The following CDH8 variants were observed in gnomAD, a reference collection of about 807,000 sequenced individuals.
CDH8 encodes the protein cadherin-8.
In CDH8, 17 loss-of-function variants were observed where a neutral mutation model predicts 68.1. That is an observed-to-expected ratio of 0.25 (90% CI 0.17 to 0.37). The LOEUF (loss-of-function observed/expected upper bound fraction) is 0.37. Ranked by LOEUF, CDH8 falls within the 10% of genes least tolerant of loss-of-function variation. The pLI, the probability that CDH8 is intolerant of heterozygous loss-of-function variation, is 1.00. For missense variants in CDH8, 763 were observed against 999.3 expected (o/e 0.76, Z 3.19); for synonymous variants, 372 against 365.1 (o/e 1.02, Z -0.21).
Position 61,653,054 on chromosome 16 carries a change from T to A in CDH8, c.*554A>T. The A allele has an allele frequency of 7.3e-7, 1 of 1,379,294 alleles. No homozygotes were observed. The highest frequency in any genetic ancestry group is 1.9e-5 in the South Asian group (1 of 53,456). 85.4% of individuals were successfully genotyped at this position (1,379,294 alleles called of 1,614,324 possible). ...CTCTAGTGAGTGGGGCCAACAATTA[T>A]GTACAATGTGTGGTCACCGTACTGT... On this transcript the variant is annotated 3_prime_UTR_variant, in exon 12 of 12. Transcript: ENST00000577390.
At chr16:61,776,901 G>C (rs1349610344) in intron 8 of CDH8, among the ~76,000 whole-genome samples, 1 of 151,844 alleles carries the variant, frequency 6.6e-6, no homozygotes, top group African/African-American at 2.4e-5. Context: ...AAACCCCCAG[G>C]ACACAAGCTT....
chr16:61,797,403 T>C (rs1961524333), intron 7 of CDH8, among the ~76,000 whole-genome samples: 1 of 152,100 alleles, frequency 6.6e-6, no homozygotes, highest in African/African-American at 2.4e-5. Context: ...CAGGTTACCA[T>C]AACAGATAAA....
At chr16:61,991,139 A>T (rs1251422223) in intron 2 of CDH8, among the ~76,000 whole-genome samples, 1 of 152,170 alleles carries the variant, frequency 6.6e-6, no homozygotes, top group African/African-American at 2.4e-5. Context: ...TAAATCATAT[A>T]TGCATACCCT....
At position 61,664,329 on chromosome 16, in the gene CDH8, T is replaced by C. The variant is rs574724181; in HGVS notation, c.1655-8608A>G. Reference sequence around the variant, plus strand: ...CAAAGAAATGATAGAGTAACGGAGATAAGACAGACATTAGAGGTACAGAAA... The same window carrying C: ...CAAAGAAATGATAGAGTAACGGAGACAAGACAGACATTAGAGGTACAGAAA... On this transcript the variant is annotated intron_variant, in intron 10 of 11. Transcript: ENST00000577390. 1.1e-3 allele frequency among the ~76,000 whole-genome samples: 173 copies of C among 152,148 alleles called. 1 individual carries two copies. Among genetic ancestry groups the C allele is most frequent in the Middle Eastern group, 3.4e-3 (1 of 294 alleles).
At chr16:62,003,351 T>C (rs1476172175) in intron 2 of CDH8, among the ~76,000 whole-genome samples, 2 of 152,222 alleles carry the variant, frequency 1.3e-5, no homozygotes, top group African/African-American at 2.4e-5. Flanking sequence ...CAAAAGATAA[T>C]AGCAGTTGAA....
At chr16:62,023,823 C>CT (rs1300065009) in intron 1 of CDH8, among the ~76,000 whole-genome samples, 2 of 152,136 alleles carry the variant, frequency 1.3e-5, no homozygotes, top group African/African-American at 2.4e-5. Flanking sequence ...GGACTTAACT[C>CT]TTTCCAGTTC....
At chr16:61,916,042 C>A (rs780910647) in intron 2 of CDH8, among the ~76,000 whole-genome samples, 1 of 152,124 alleles carries the variant, frequency 6.6e-6, no homozygotes, top group African/African-American at 2.4e-5. Flanking sequence ...CACATTCAAC[C>A]GTATCAGTAA....
In CDH8 at chr16:61,857,170, C is replaced by A. The variant is rs770277057; in HGVS notation, c.616G>T (p.Val206Phe). The change falls in exon 4 of 12, where the codon GTT becomes TTT. Residue 206 changes from valine (V) to phenylalanine (F), a missense_variant. Val to Phe is a conservative substitution (Grantham distance 50, BLOSUM62 -1). Coordinates refer to ENST00000577390, the MANE Select transcript of CDH8 (RefSeq NM_001796.5). Reference sequence around the variant, plus strand: ...GGCTGCCCTTCCAATATACTATAAACCAACTTTGCACTGTTTCCATAAACT... The same window carrying A: ...GGCTGCCCTTCCAATATACTATAAAACAACTTTGCACTGTTTCCATAAACT... ...DPVYGNSAKL[V>F]YSILEGQPYF... The A allele has an allele frequency of 4.3e-6, 7 of 1,613,572 alleles. No individual in the cohort carries two copies. The Admixed American group carries it at 1.2e-4, about 27-fold the overall frequency.
chr16:61,784,250 A>G (rs968174197), intron 8 of CDH8, among the ~76,000 whole-genome samples: 2 of 152,056 alleles, frequency 1.3e-5, no homozygotes, highest in Non-Finnish European at 2.9e-5. Flanking sequence ...AGATCTACCA[A>G]GCAAATGGAA....
At chr16:61,753,500 A>G (rs1386083566) in intron 8 of CDH8, among the ~76,000 whole-genome samples, 6 of 152,132 alleles carry the variant, frequency 3.9e-5, no homozygotes, top group Admixed American at 6.5e-5. Flanking sequence ...TCAGCTTCCC[A>G]AAGTGCTCGG....
intron 7 of CDH8, among the ~76,000 whole-genome samples, chr16:61,793,523 A>G (rs1961429565): frequency 1.3e-5 from 2 of 151,852 alleles, no homozygotes; most frequent in African/African-American, 4.8e-5. Context: ...ATGTTCCTGA[A>G]TTAGTTTGCT....
In CDH8 at chr16:61,700,196, C is replaced by T. The variant is rs150283555; in HGVS notation, c.1654+13645G>A. On this transcript the variant is annotated intron_variant, in intron 10 of 11. Coordinates refer to ENST00000577390, the MANE Select transcript of CDH8 (RefSeq NM_001796.5). ...AATAAACATGAGAGTGCTGATGTCT[C>T]TTTGATGTACAGATTATCTTTCCTT... Among the ~76,000 whole-genome samples the T allele has an allele frequency of 2.5e-3, 378 of 151,682 alleles. 3 individuals carry two copies. Among genetic ancestry groups the T allele is most frequent in the African/African-American group, 8.3e-3 (345 of 41,360 alleles).
intron 3 of CDH8, among the ~76,000 whole-genome samples, chr16:61,871,658 C>A (rs1301623235): frequency 6.6e-6 from 1 of 150,626 alleles, no homozygotes; most frequent in Admixed American, 6.7e-5. Flanking sequence ...TGTGAGAAAA[C>A]CTTAATTGTT....
rs530855149 is a variant in CDH8 at position 61,807,587 on chromosome 16, C to G, written c.1277+9892G>C. On this transcript the variant is annotated intron_variant, in intron 7 of 11. Transcript: ENST00000577390. Reference sequence around the variant, plus strand: ...GCGTATCCATTATAGACATGAAGAACTGCTGTGCAGATTGCCCTTCAAAGG... The same window carrying G: ...GCGTATCCATTATAGACATGAAGAAGTGCTGTGCAGATTGCCCTTCAAAGG... 8.5e-4 allele frequency among the ~76,000 whole-genome samples: 129 copies of G among 152,298 alleles called. 1 individual carries two copies. Among genetic ancestry groups the G allele is most frequent in the African/African-American group, 2.9e-3 (121 of 41,570 alleles).
At chr16:61,768,323 T>C (rs868511399) in intron 8 of CDH8, among the ~76,000 whole-genome samples, 28 of 73,718 alleles carry the variant, frequency 3.8e-4, no homozygotes, top group African/African-American at 1.3e-3. Flanking sequence ...TTTCTCTCTC[T>C]CTCTCTCTCT....
At chr16:61,781,002 G>A (rs1961036843) in intron 8 of CDH8, among the ~76,000 whole-genome samples, 3 of 152,208 alleles carry the variant, frequency 2.0e-5, no homozygotes, top group Admixed American at 6.5e-5. Flanking sequence ...TAAGTTTGCA[G>A]TCTAATATTT....
chr16:61,943,255 G>A (rs781534929), intron 2 of CDH8, among the ~76,000 whole-genome samples: 2 of 152,218 alleles, frequency 1.3e-5, no homozygotes, highest in Admixed American at 6.5e-5. Flanking sequence ...GGATTCGTCT[G>A]TATTTCAGCA....
chr16:61,855,531 G>A (rs552589362), intron 4 of CDH8, among the ~76,000 whole-genome samples: 1 of 152,150 alleles, frequency 6.6e-6, no homozygotes, highest in African/African-American at 2.4e-5. Context: ...TCCAGTGCCT[G>A]GCACACAGTG....
chr16:61,951,320 G>A (rs1274750045), intron 2 of CDH8, among the ~76,000 whole-genome samples: 1 of 151,854 alleles, frequency 6.6e-6, no homozygotes, highest in Non-Finnish European at 1.5e-5. Context: ...GACCATCCTG[G>A]CTAACAAGGC....
Sources: gnomAD v4.1 joint callset for allele counts (sites outside exome capture counted in the v4.1 genomes callset) on GRCh38, gnomAD v4.1.1 for gene constraint, MANE v1.5 for transcripts, NCBI Gene and HGNC (gene_info 2026-07-23, HGNC 2026-07-21) for gene names.